AIM2: variants seen among roughly 807,000 people sequenced by gnomAD.
AIM2 encodes interferon-inducible protein AIM2.
Under a neutral mutation model 27.7 loss-of-function variants are expected in AIM2, and 30 were observed. The ratio of observed to expected loss-of-function variants is 1.08; its 90% CI spans 0.81 to 1.47. The LOEUF (loss-of-function observed/expected upper bound fraction) is 1.47, where lower values mean the gene tolerates loss of function less well. Ranked by LOEUF, AIM2 falls within the 40% of genes most tolerant of loss-of-function variation. The pLI, the probability that AIM2 is intolerant of heterozygous loss-of-function variation, is 0.00. For missense variants in AIM2, 358 were observed against 411.3 expected, an observed-to-expected ratio of 0.87 and a Z score of 1.12; for synonymous variants, 141 against 145.3, an observed-to-expected ratio of 0.97 and a Z score of 0.21.
chr1:159,080,794 G>C (rs1009295140), upstream of AIM2, among the ~76,000 whole-genome samples: 1 of 152,086 alleles, frequency 6.6e-6, no homozygotes, highest in South Asian at 2.1e-4. Flanking sequence ...CAAAAGAACA[G>C]TTCTGATATG....
intron 4 of AIM2, 122 bp from the exon 5 acceptor site, chr1:159,063,796 G>A (rs915798410): frequency 2.9e-5 from 31 of 1,056,516 alleles, no homozygotes; most frequent in Non-Finnish European, 4.2e-5. Context: ...GAACAACACA[G>A]ATTTTACCTG....
At chr1:159,087,548 G>T (rs1346357275) in intron 1 of AIM2, among the ~76,000 whole-genome samples, 1 of 150,732 alleles carries the variant, frequency 6.6e-6, no homozygotes, top group Admixed American at 6.7e-5. Flanking sequence ...GCAATGCCAG[G>T]CTTTTTCTTT....
chr1:159,074,611 A>T (rs1169894606), intron 1 of AIM2, among the ~76,000 whole-genome samples: 1 of 152,196 alleles, frequency 6.6e-6, no homozygotes, highest in Non-Finnish European at 1.5e-5. Flanking sequence ...TACACAAAAC[A>T]TTATAAATAA....
chr1:159,128,537 C>T (rs1050944998), intron 1 of AIM2, among the ~76,000 whole-genome samples: 1 of 152,116 alleles, frequency 6.6e-6, no homozygotes, highest in Non-Finnish European at 1.5e-5. Context: ...TTTGACCAAG[C>T]CAGTAGTCCT....
At chr1:159,128,123 T>A (rs1158966635) in intron 1 of AIM2, among the ~76,000 whole-genome samples, 1 of 152,160 alleles carries the variant, frequency 6.6e-6, no homozygotes, top group Non-Finnish European at 1.5e-5. Context: ...TATTGCAACC[T>A]CCCCATCTCT....
chr1:159,097,822 T>C (rs928677632), intron 1 of AIM2, among the ~76,000 whole-genome samples: 5 of 152,114 alleles, frequency 3.3e-5, no homozygotes, highest in Non-Finnish European at 5.9e-5. Context: ...AATCGGCAAA[T>C]CAATTTTCTA....
rs551940384 is a variant in AIM2 at position 159,099,569 on chromosome 1, T to C, written c.-15-33240A>G. Among the ~76,000 whole-genome samples, 24 of 152,308 alleles carry C rather than the reference T, an allele frequency of 1.6e-4. No homozygotes were observed. In the South Asian group the frequency reaches 3.7e-3, roughly 24 times the overall value. On this transcript the variant is annotated intron_variant, in intron 1 of 2. Coordinates refer to the AIM2 transcript ENST00000368129. ...CCCATTTCAGGGAACAACTTTTCTTTTTTCAAGTCACCTACTTGGATTGAA... is the reference window on the plus strand; with the variant it reads ...CCCATTTCAGGGAACAACTTTTCTTCTTTCAAGTCACCTACTTGGATTGAA...
At chr1:159,084,046 A>G (rs757233988) in intron 1 of AIM2, among the ~76,000 whole-genome samples, 5 of 152,200 alleles carry the variant, frequency 3.3e-5, no homozygotes, top group Non-Finnish European at 5.9e-5. Flanking sequence ...ATGTAACCCT[A>G]CCACTCTATG....
At chr1:159,082,487 T>C (rs1311847828) in intron 1 of AIM2, among the ~76,000 whole-genome samples, 1 of 152,130 alleles carries the variant, frequency 6.6e-6, no homozygotes, top group Non-Finnish European at 1.5e-5. Flanking sequence ...CCATCTTTTT[T>C]CTTTTCTTTC....
intron 1 of AIM2, among the ~76,000 whole-genome samples, chr1:159,097,464 A>G (rs1195894606): frequency 6.6e-6 from 1 of 152,128 alleles, no homozygotes; most frequent in African/African-American, 2.4e-5. Flanking sequence ...CCAAATGTGG[A>G]CACACACAAT....
At chr1:159,123,276 T>G (rs1297715596) in intron 1 of AIM2, among the ~76,000 whole-genome samples, 1 of 152,220 alleles carries the variant, frequency 6.6e-6, no homozygotes, top group Non-Finnish European at 1.5e-5. Context: ...TAATCTAAAT[T>G]GCTTTCCTAA....
chr1:159,138,743 A>G (rs1174564794), intron 1 of AIM2, among the ~76,000 whole-genome samples: 2 of 152,222 alleles, frequency 1.3e-5, no homozygotes, highest in Non-Finnish European at 1.5e-5. Context: ...TTTATAGTCA[A>G]TTGAAGTCAG....
upstream of AIM2, among the ~76,000 whole-genome samples, chr1:159,077,948 C>T (rs1656672508): frequency 6.6e-6 from 1 of 152,156 alleles, no homozygotes; most frequent in African/African-American, 2.4e-5. Context: ...TTAATAATCA[C>T]AATAGGACAT....
intron 1 of AIM2, among the ~76,000 whole-genome samples, chr1:159,120,396 G>A (rs972082345): frequency 6.6e-6 from 1 of 152,086 alleles, no homozygotes; most frequent in African/African-American, 2.4e-5. Context: ...GACAAGACGT[G>A]CAATTTTTCT....
intron 1 of AIM2, among the ~76,000 whole-genome samples, chr1:159,105,413 G>A (rs536300343): frequency 1.3e-5 from 2 of 152,198 alleles, no homozygotes; most frequent in South Asian, 2.1e-4. Context: ...TAGTGAGTGG[G>A]GGGGCATGTT....
intron 1 of AIM2, among the ~76,000 whole-genome samples, chr1:159,100,283 A>T (rs1180064167): frequency 2.0e-5 from 3 of 152,224 alleles, no homozygotes; most frequent in Non-Finnish European, 4.4e-5. Context: ...ACTTTAAAAA[A>T]ATCTATCTGG....
chr1:159,089,824 C>A (rs1313452143), intron 1 of AIM2, among the ~76,000 whole-genome samples: 4 of 152,164 alleles, frequency 2.6e-5, no homozygotes, highest in African/African-American at 9.7e-5. Flanking sequence ...CTCTGCCCTA[C>A]CTATTCTATC....
intron 1 of AIM2, among the ~76,000 whole-genome samples, chr1:159,074,590 AT>A: frequency 6.6e-6 from 1 of 152,254 alleles, no homozygotes; most frequent in South Asian, 2.1e-4. Flanking sequence ...TATGTATAGT[AT>A]CCAAAATAAT....
chr1:159,084,843 G>A (rs1656869730), intron 1 of AIM2, among the ~76,000 whole-genome samples: 1 of 144,380 alleles, frequency 6.9e-6, no homozygotes, highest in African/African-American at 2.5e-5. Flanking sequence ...ATCCCTCAGA[G>A]ATCACTGGAG....
Sources: allele counts gnomAD v4.1 joint callset (sites outside exome capture counted in the v4.1 genomes callset), GRCh38; gene constraint gnomAD v4.1.1; transcripts MANE v1.5; gene names NCBI Gene and HGNC (gene_info 2026-07-23, HGNC 2026-07-21).